LSAMP: variants seen among roughly 807,000 people sequenced by gnomAD.
LSAMP encodes the protein limbic system-associated membrane protein.
A neutral mutation model predicts 38.6 loss-of-function variants in LSAMP; 7 were observed. That is an observed-to-expected ratio of 0.18 (90% CI 0.10 to 0.34). The LOEUF (loss-of-function observed/expected upper bound fraction) is 0.34. Among genes scored for constraint, LSAMP ranks in the 10% least tolerant of loss-of-function variants. The pLI, the probability that LSAMP is intolerant of heterozygous loss-of-function variation, is 1.00. For synonymous variants in LSAMP, 154 were observed against 166.8 expected, an observed-to-expected ratio of 0.92 and a Z score of 0.59; for missense variants, 313 against 420.0, an observed-to-expected ratio of 0.75 and a Z score of 2.23.
chr3:116,273,368 C>T (rs565830966), intron 1 of LSAMP, among the ~76,000 whole-genome samples: 42 of 151,764 alleles, frequency 2.8e-4, no homozygotes, highest in African/African-American at 1.0e-3. Context: ...TAATAGAAAA[C>T]TGAGAGAAGT....
At chr3:116,293,718 A>C (rs73143022) in intron 1 of LSAMP, among the ~76,000 whole-genome samples, 2,384 of 152,272 alleles carry the variant, frequency 0.016, 35 homozygotes, top group Non-Finnish European at 0.021. Flanking sequence ...CTATAGTGAG[A>C]TATATGGAGT....
At chr3:116,402,232 G>A (rs1197990435) in intron 1 of LSAMP, among the ~76,000 whole-genome samples, 8 of 152,318 alleles carry the variant, frequency 5.3e-5, no homozygotes, top group Admixed American at 2.6e-4. Context: ...TATCTGAAGA[G>A]TGAATAGACA....
At chr3:115,935,596 C>G (rs4240162) in intron 3 of LSAMP, among the ~76,000 whole-genome samples, 1 of 151,932 alleles carries the variant, frequency 6.6e-6, no homozygotes, top group South Asian at 2.1e-4. Flanking sequence ...TCTTATCTTA[C>G]GAGAGTTGAT....
At chr3:116,162,750 A>G (rs1559765537) in intron 1 of LSAMP, among the ~76,000 whole-genome samples, 1 of 127,474 alleles carries the variant, frequency 7.8e-6, no homozygotes, top group Admixed American at 9.1e-5. Context: ...ATATATACAT[A>G]TCGTATACAC....
Position 116,236,051 on chromosome 3 carries a change from T to G in LSAMP, c.156-149495A>C, listed in dbSNP as rs188272266. 2.2e-3 allele frequency among the ~76,000 whole-genome samples: 340 copies of G among 152,308 alleles called. 2 individuals are homozygous for G. The highest frequency in any genetic ancestry group is 0.01 in the Middle Eastern group (3 of 294). On this transcript the variant is annotated intron_variant, in intron 1 of 6. Transcript: ENST00000490035. ...TTGTACATCTTTACACTGCTTGTGT[T>G]TTTTTCACTTTATATTGACTATAAT...
At position 116,268,215 on chromosome 3, in the gene LSAMP, A is replaced by ATG. The variant is rs1553719233; in HGVS notation, c.155+176660_155+176661dup. 5.9e-5 allele frequency among the ~76,000 whole-genome samples: 9 copies of ATG among 151,534 alleles called. No individual in the cohort carries two copies. The South Asian group carries it at 1.7e-3, about 28-fold the overall frequency. On this transcript the variant is annotated intron_variant, in intron 1 of 6. Coordinates refer to ENST00000490035, the MANE Select transcript of LSAMP (RefSeq NM_002338.5). ...ATTAGGAGTGGCCATTAAAAAAAAA[A>ATG]TGTGTGTGTGTAGTAGGCAAGATGC... is the stretch of plus-strand genomic sequence containing the variant.
intron 1 of LSAMP, among the ~76,000 whole-genome samples, chr3:116,130,248 T>C (rs1709094879): frequency 6.6e-6 from 1 of 152,198 alleles, no homozygotes; most frequent in Non-Finnish European, 1.5e-5. Flanking sequence ...CAAAATTGTC[T>C]GTGTCCCTGG....
chr3:115,870,356 A>AATAT (rs1935997636), intron 3 of LSAMP, among the ~76,000 whole-genome samples: 1 of 152,148 alleles, frequency 6.6e-6, no homozygotes, highest in Non-Finnish European at 1.5e-5. Flanking sequence ...AGTAGATGAG[A>AATAT]ACAAAAGTAT....
chr3:116,276,483 G>A (rs1214700505), intron 1 of LSAMP, among the ~76,000 whole-genome samples: 3 of 150,354 alleles, frequency 2.0e-5, no homozygotes, highest in African/African-American at 7.3e-5. Context: ...TTGAGGACAC[G>A]AAGGCATAAG....
chr3:116,391,638 C>G (rs1025224877), intron 1 of LSAMP, among the ~76,000 whole-genome samples: 1 of 151,698 alleles, frequency 6.6e-6, no homozygotes, highest in Non-Finnish European at 1.5e-5. Context: ...GGCAGTGCCA[C>G]GTTTGTACTG....
chr3:115,985,587 A>G (rs4831218), intron 3 of LSAMP, among the ~76,000 whole-genome samples: 69,160 of 152,036 alleles, frequency 0.45, 17,002 homozygotes, highest in African/African-American at 0.66. Flanking sequence ...CATATGGCAT[A>G]TCACTTTCAA....
At chr3:116,145,787 A>T (rs1212057827) in intron 1 of LSAMP, among the ~76,000 whole-genome samples, 2 of 151,912 alleles carry the variant, frequency 1.3e-5, no homozygotes, top group African/African-American at 2.4e-5. Flanking sequence ...TACATTTTAT[A>T]TGACTTTCGC....
chr3:116,325,591 C>G (rs1171112595), intron 1 of LSAMP, among the ~76,000 whole-genome samples: 1 of 152,116 alleles, frequency 6.6e-6, no homozygotes, highest in Non-Finnish European at 1.5e-5. Context: ...ATAACAGGAA[C>G]AAACAGAAGA....
At chr3:116,176,879 C>T (rs1171319637) in intron 1 of LSAMP, among the ~76,000 whole-genome samples, 2 of 152,006 alleles carry the variant, frequency 1.3e-5, no homozygotes, top group Non-Finnish European at 2.9e-5. Flanking sequence ...TTCCAATAAT[C>T]GAAGCGTTCT....
chr3:115,987,766 A>G (rs1422008694), intron 3 of LSAMP, among the ~76,000 whole-genome samples: 2 of 152,158 alleles, frequency 1.3e-5, no homozygotes, highest in African/African-American at 4.8e-5. Context: ...CATCCAAATT[A>G]TACCTCTGAT....
At chr3:115,895,957 A>G (rs751982440) in intron 3 of LSAMP, among the ~76,000 whole-genome samples, 10 of 152,104 alleles carry the variant, frequency 6.6e-5, no homozygotes, top group Non-Finnish European at 1.3e-4. Context: ...CAAGTTTATT[A>G]TTATGAACAT....
At chr3:116,134,532 C>T (rs919066810) in intron 1 of LSAMP, among the ~76,000 whole-genome samples, 3 of 152,194 alleles carry the variant, frequency 2.0e-5, no homozygotes, top group Admixed American at 1.3e-4. Context: ...CCCTTTTCAC[C>T]GTGCTTAAGG....
intron 1 of LSAMP, among the ~76,000 whole-genome samples, chr3:116,330,321 C>G (rs1190795667): frequency 2.0e-5 from 3 of 152,136 alleles, no homozygotes; most frequent in Non-Finnish European, 4.4e-5. Context: ...CTGTGGCAGG[C>G]AGCTGTGCAG....
intron 6 of LSAMP, among the ~76,000 whole-genome samples, chr3:115,839,266 C>A (rs397834803): frequency 2.3e-5 from 1 of 43,352 alleles, no homozygotes; most frequent in East Asian, 6.5e-4. Flanking sequence ...TCTTTCTTTC[C>A]TTCCTTCCTT....
Sources: allele counts gnomAD v4.1 joint callset (sites outside exome capture counted in the v4.1 genomes callset), GRCh38; gene constraint gnomAD v4.1.1; transcripts MANE v1.5; gene names NCBI Gene and HGNC (gene_info 2026-07-23, HGNC 2026-07-21).